Variants in BMAL2 observed in about 807,000 individuals in gnomAD.
BMAL2 encodes basic helix-loop-helix ARNT like 2.
At chr12:27,355,979 C>T in the BMAL2 span, among the ~76,000 whole-genome samples, 69,192 of 151,906 alleles carry the variant, frequency 0.46, 15,964 homozygotes, top group Admixed American at 0.52. Context: ...GAGGCCAAGG[C>T]CAGAAGAATC....
the BMAL2 span, among the ~76,000 whole-genome samples, chr12:27,353,035 A>AT: frequency 1.3e-5 from 2 of 152,242 alleles, no homozygotes; most frequent in Non-Finnish European, 2.9e-5. Context: ...TGCTATTTCT[A>AT]TCAAGCTACC....
chr12:27,399,519 TA>T, the BMAL2 span, among the ~76,000 whole-genome samples: 3 of 152,180 alleles, frequency 2.0e-5, no homozygotes, highest in Admixed American at 1.3e-4. Context: ...TTAAATGAGT[TA>T]TACGTTTAAA....
At chr12:27,414,036 G>A in the BMAL2 span, among the ~76,000 whole-genome samples, 19 of 151,696 alleles carry the variant, frequency 1.3e-4, no homozygotes, top group Admixed American at 1.2e-3. Flanking sequence ...GCAAGACCCT[G>A]TCTTGAAAAA....
At chr12:27,402,724 A>G in the BMAL2 span, 2 of 1,490,044 alleles carry the variant, frequency 1.3e-6, no homozygotes, top group Admixed American at 1.8e-5. Context: ...AAGACATATT[A>G]TTAAGACTAT....
chr12:27,421,090 C>T, the BMAL2 span: 3 of 152,168 alleles, frequency 2.0e-5, no homozygotes, highest in Non-Finnish European at 4.4e-5. Flanking sequence ...TAGGCAAGCA[C>T]AGAGCTGGGA....
the BMAL2 span, chr12:27,390,012 G>C: frequency 6.6e-7 from 1 of 1,506,682 alleles, no homozygotes; most frequent in African/African-American, 1.4e-5. Context: ...ATAATAGATG[G>C]TCAGAAAATG....
chr12:27,365,028 G>A, the BMAL2 span, among the ~76,000 whole-genome samples: 1 of 151,940 alleles, frequency 6.6e-6, no homozygotes, highest in Non-Finnish European at 1.5e-5. Flanking sequence ...TTTATATGTT[G>A]ATTATTTTGG....
chr12:27,378,643 A>G, the BMAL2 span, among the ~76,000 whole-genome samples: 1 of 152,198 alleles, frequency 6.6e-6, no homozygotes, highest in Non-Finnish European at 1.5e-5. Flanking sequence ...ATAATTAGGG[A>G]ATCTGGCTAG....
chr12:27,416,976 T>G, the BMAL2 span, among the ~76,000 whole-genome samples: 1 of 152,108 alleles, frequency 6.6e-6, no homozygotes, highest in African/African-American at 2.4e-5. Context: ...AAAAAGAAAA[T>G]ATAAATGTCA....
At chr12:27,358,352 A>C in the BMAL2 span, among the ~76,000 whole-genome samples, 26 of 152,290 alleles carry the variant, frequency 1.7e-4, no homozygotes, top group Non-Finnish European at 1.9e-4. Context: ...ATACCACCTT[A>C]CTCTTGCAAG....
chr12:27,344,534 C>T, the BMAL2 span, among the ~76,000 whole-genome samples: 1 of 152,292 alleles, frequency 6.6e-6, no homozygotes, highest in Non-Finnish European at 1.5e-5. Context: ...AGGCTGAACT[C>T]CAGCACAGAC....
the BMAL2 span, among the ~76,000 whole-genome samples, chr12:27,362,943 A>G: frequency 1.3e-5 from 2 of 152,062 alleles, no homozygotes; most frequent in South Asian, 4.1e-4. Flanking sequence ...AGCTAAGACT[A>G]TATGTGCACA....
At chr12:27,366,223 A>T in the BMAL2 span, among the ~76,000 whole-genome samples, 1 of 152,130 alleles carries the variant, frequency 6.6e-6, no homozygotes, top group Non-Finnish European at 1.5e-5. Context: ...TTGGTCCAAT[A>T]TATTGTCAGT....
the BMAL2 span, among the ~76,000 whole-genome samples, chr12:27,416,696 G>T: frequency 6.6e-6 from 1 of 152,192 alleles, no homozygotes; most frequent in African/African-American, 2.4e-5. Context: ...GGTGGCTTGT[G>T]CCTATAATCC....
the BMAL2 span, chr12:27,332,959 GC>G: frequency 3.6e-6 from 3 of 828,364 alleles, no homozygotes; most frequent in Non-Finnish European, 4.6e-6. Context: ...GGCAGGGCCC[GC>G]CAGTCCCCGC....
the BMAL2 span, chr12:27,389,894 T>A: frequency 2.2e-6 from 1 of 453,804 alleles, no homozygotes; most frequent in South Asian, 6.3e-5. Flanking sequence ...CAAATGTCTG[T>A]AAGTTATCAA....
the BMAL2 span, among the ~76,000 whole-genome samples, chr12:27,349,254 A>G: frequency 6.6e-6 from 1 of 152,206 alleles, no homozygotes; most frequent in Non-Finnish European, 1.5e-5. Flanking sequence ...GGTTTAAAGC[A>G]ATAGAACAAA....
the BMAL2 span, among the ~76,000 whole-genome samples, chr12:27,378,958 TG>T: frequency 2.6e-5 from 4 of 152,116 alleles, no homozygotes; most frequent in South Asian, 8.3e-4. Context: ...TTGGTTTCCC[TG>T]GGTCACGTTG....
chr12:27,354,456 T>C, the BMAL2 span, among the ~76,000 whole-genome samples: 3 of 152,044 alleles, frequency 2.0e-5, no homozygotes, highest in South Asian at 2.1e-4. Context: ...GTTAAAAAAT[T>C]ACCTATTGGG....
Sources: gnomAD v4.1 joint callset for allele counts (sites outside exome capture counted in the v4.1 genomes callset) on GRCh38, gnomAD v4.1.1 for gene constraint, MANE v1.5 for transcripts, NCBI Gene and HGNC (gene_info 2026-07-23, HGNC 2026-07-21) for gene names.